Variants in CEP295 observed in about 807,000 individuals in gnomAD.
The protein encoded by CEP295 is centrosomal protein 295.
Under a neutral mutation model 291.6 loss-of-function variants are expected in CEP295, and 190 were observed. The observed-to-expected ratio is 0.65, with a 90% confidence interval of 0.58 to 0.73. CEP295 has a LOEUF of 0.73. Among genes scored for constraint, CEP295 ranks in the 30% least tolerant of loss-of-function variants. The pLI, the probability that CEP295 is intolerant of heterozygous loss-of-function variation, is 0.00. For missense variants in CEP295, 2,863 were observed against 2,949.4 expected (o/e 0.97, Z 0.68); for synonymous variants, 993 against 1,038.8 (o/e 0.96, Z 0.85).
At chr11:93,668,631 G>T (rs1205574904) in intron 3 of CEP295, among the ~76,000 whole-genome samples, 177 bp from the exon 4 acceptor site, 1 of 152,032 alleles carries the variant, frequency 6.6e-6, no homozygotes, top group Non-Finnish European at 1.5e-5. Context: ...TAAAATGTTT[G>T]TGTTTGTCCC....
chr11:93,696,455 G>A lies in CEP295; in HGVS notation c.1769+38G>A, dbSNP rs1323226259. ...GTATAATTTATATGTGATCGTATGT[G>A]GCTACATTTTTAGGATTTATTGTTT... On this transcript the variant is annotated intron_variant, in intron 14 of 29. Transcript: ENST00000325212. 2.3e-6 allele frequency: 3 copies of A among 1,289,602 alleles called. No individual in the cohort carries two copies. The African/African-American group carries it at 4.5e-5, about 19-fold the overall frequency. The allele number at this position is 1,289,602 out of a possible 1,614,324, so 79.9% of individuals were successfully genotyped here. A position where few individuals can be genotyped will look rare whatever the true frequency, so the allele number is the denominator to read the frequency against.
chr11:93,717,561 C>A (rs1442720850), intron 18 of CEP295, among the ~76,000 whole-genome samples: 2 of 152,080 alleles, frequency 1.3e-5, no homozygotes, highest in East Asian at 3.9e-4. Flanking sequence ...TGTTTCAGTA[C>A]CTGAAAAGTT....
intron 7 of CEP295, among the ~76,000 whole-genome samples, chr11:93,680,488 T>A (rs1950908731): frequency 6.6e-6 from 1 of 151,866 alleles, no homozygotes; most frequent in African/African-American, 2.4e-5. Context: ...GACTACAGAG[T>A]CAATACAGTC....
intron 10 of CEP295, among the ~76,000 whole-genome samples, chr11:93,691,250 G>T (rs1428476134): frequency 6.6e-6 from 1 of 152,140 alleles, no homozygotes; most frequent in East Asian, 1.9e-4. Context: ...AGACTATCTG[G>T]CTACCCAAAT....
chr11:93,722,326 G>A (rs1397004636), intron 20 of CEP295, among the ~76,000 whole-genome samples: 1 of 152,022 alleles, frequency 6.6e-6, no homozygotes, highest in Non-Finnish European at 1.5e-5. Context: ...GCCAGGTGTG[G>A]TGGTAAGTGC....
Position 93,692,972 on chromosome 11 carries a change from C to CAAA in CEP295, c.1533+958_1533+960dup, listed in dbSNP as rs780110779. ...TGGATGACAGAGTGAGACTCTATCT[C>CAAA]AAAAAAAAAAAAAAAAAACAAAAGG... On this transcript the variant is annotated intron_variant, in intron 12 of 29. Transcript: ENST00000325212. Among the ~76,000 whole-genome samples, 115 of 77,816 alleles carry CAAA rather than the reference C, an allele frequency of 1.5e-3. 1 individual carries two copies. The highest frequency in any genetic ancestry group is 5.1e-3 in the African/African-American group (110 of 21,376). The allele number at this position is 77,816 out of a possible 152,430, so 51.1% of individuals were successfully genotyped here. A position where few individuals can be genotyped will look rare whatever the true frequency, so the allele number is the denominator to read the frequency against.
Position 93,674,300 on chromosome 11 carries a change from C to T in CEP295, c.529-1271C>T, listed in dbSNP as rs1159062225. ...TTATATTGTTTCTGTTCACTTGAGT[C>T]CTCCTCATCATTCCACACTCATATA... On this transcript the variant is annotated intron_variant, in intron 5 of 29. Coordinates refer to ENST00000325212, the MANE Select transcript of CEP295 (RefSeq NM_033395.2). Among the ~76,000 whole-genome samples, 3 of 152,232 alleles carry T rather than the reference C, an allele frequency of 2.0e-5. No individual in the cohort carries two copies. In the South Asian group the frequency reaches 6.2e-4, roughly 32 times the overall value.
At position 93,695,631 on chromosome 11, in the gene CEP295, TG is replaced by T; in HGVS notation, c.1671+1del. ...AAAAAAGAAAAAAAACTCAACCGAC[TG>T]GGGTAGGATGCAGAAAATCTCATCA... Reference protein sequence around the residue: ...EEKRKKTQPTGVGIAPASCPV... With the variant: ...EEKRKKTQPTXVGIAPASCPV... On this transcript the variant is annotated frameshift_variant and splice_region_variant, in exon 13 of 30. Transcript: ENST00000325212. LOFTEE classifies it high-confidence loss of function. 1.3e-6 allele frequency: 2 copies of T among 1,486,804 alleles called. No individual in the cohort carries two copies. Among genetic ancestry groups the T allele is most frequent in the Admixed American group, 2.7e-5 (1 of 36,912 alleles). The allele number at this position is 1,486,804 out of a possible 1,614,324, so 92.1% of individuals were successfully genotyped here. A position where few individuals can be genotyped will look rare whatever the true frequency, so the allele number is the denominator to read the frequency against.
chr11:93,706,324 A>G (rs1952509120), intron 17 of CEP295, among the ~76,000 whole-genome samples: 1 of 152,228 alleles, frequency 6.6e-6, no homozygotes, highest in African/African-American at 2.4e-5. Context: ...AAACACCACC[A>G]GGTCAAGAAG....
rs2134969954 is a variant in CEP295, at chr11:93,684,091, A to G, written c.1077A>G (p.Pro359=). 6.4e-7 allele frequency: 1 copy of G among 1,551,622 alleles called. No individual in the cohort carries two copies. The highest frequency in any genetic ancestry group is 1.4e-5 in the African/African-American group (1 of 73,168). The change falls in exon 9 of 30, where the codon CCA becomes CCG. Residue 359 remains proline, a synonymous_variant. Transcript: ENST00000325212. ...QENLGAAEDL[P]VTEAEICSSE... ...ATTTGGGTGCAGCTGAAGACCTTCC[A>G]GTGACAGAAGCTGAAATATGTTCTA... is the stretch of plus-strand genomic sequence containing the variant.
intron 18 of CEP295, among the ~76,000 whole-genome samples, chr11:93,713,264 T>C (rs1953031936): frequency 6.6e-6 from 1 of 152,352 alleles, no homozygotes; most frequent in South Asian, 2.1e-4. Flanking sequence ...TAATATTCTG[T>C]GTATTTCTGT....
chr11:93,663,727 T>G lies in CEP295; in HGVS notation c.-27+1953T>G, dbSNP rs560323911. The stretch of plus-strand genomic sequence containing the variant: ...ATTATACACAAGAAGAAACAGTTAT[T>G]CTATCGCATTTTAGGAGCTTAAAAA... On this transcript the variant is annotated intron_variant, in intron 1 of 29. Transcript: ENST00000325212. 2.0e-5 allele frequency among the ~76,000 whole-genome samples: 3 copies of G among 152,314 alleles called. No individual in the cohort carries two copies. In the East Asian group the frequency reaches 5.8e-4, roughly 29 times the overall value.
chr11:93,729,277 A>G (rs1937970834), intron 25 of CEP295, 157 bp from the exon 26 acceptor site: 3 of 629,414 alleles, frequency 4.8e-6, no homozygotes, highest in Non-Finnish European at 8.4e-6. Context: ...CCTACAAAAA[A>G]TACAAAAATC....
chr11:93,698,339 C>T lies in CEP295; in HGVS notation c.3427C>T (p.Pro1143Ser). The T allele has an allele frequency of 1.3e-6, 2 of 1,552,016 alleles. No individual in the cohort carries two copies. The highest frequency in any genetic ancestry group is 2.4e-5 in the South Asian group (2 of 84,054). The part of the protein sequence containing the change: ...NVGPSCHLII[P>S]TFQDKSLSFP... ...AGGTCCCTCCTGTCATTTGATAATC[C>T]CAACATTTCAGGATAAGTCTCTTAG... Residue 1143 changes from proline (P) to serine (S), a missense_variant, in exon 15 of 30, where the codon CCA (proline) becomes TCA (serine). Transcript: ENST00000325212.
intron 17 of CEP295, 28 bp downstream of exon 17, chr11:93,702,947 T>G: frequency 6.6e-7 from 1 of 1,514,318 alleles, no homozygotes; most frequent in Non-Finnish European, 8.8e-7. Context: ...TAAAACAAGA[T>G]TTTTAAATAA....
At chr11:93,678,076 A>T (rs1407928019) in intron 6 of CEP295, among the ~76,000 whole-genome samples, 1 of 152,042 alleles carries the variant, frequency 6.6e-6, no homozygotes, top group Non-Finnish European at 1.5e-5. Flanking sequence ...ATCTGGACTG[A>T]TATTTATCAT....
chr11:93,663,513 T>G (rs990920206), intron 1 of CEP295, among the ~76,000 whole-genome samples: 1 of 152,194 alleles, frequency 6.6e-6, no homozygotes, highest in Admixed American at 6.5e-5. Context: ...TAGACATTAG[T>G]GTGATAATTG....
At position 93,697,683 on chromosome 11, in the gene CEP295, C is replaced by G; in HGVS notation, c.2771C>G (p.Ser924Ter). The G allele has an allele frequency of 6.4e-7, 1 of 1,551,768 alleles. No individual in the cohort carries two copies. Among genetic ancestry groups the G allele is most frequent in the East Asian group, 2.4e-5 (1 of 40,916 alleles). Reference sequence around the variant, plus strand: ...ACCAAGAATAATATTGCAGTTTCCTCAGACCATCATGTGATCTCACAACTT... The same window carrying G: ...ACCAAGAATAATATTGCAGTTTCCTGAGACCATCATGTGATCTCACAACTT... The part of the protein sequence containing the change: ...SPTKNNIAVS[S>*]DHHVISQLQD... Residue 924 changes from serine to a stop codon, truncating the protein, a stop_gained, in exon 15 of 30, where the codon TCA becomes TGA. Coordinates refer to ENST00000325212, the MANE Select transcript of CEP295 (RefSeq NM_033395.2). LOFTEE classifies it high-confidence loss of function.
rs895942891 is a variant in CEP295, at chr11:93,665,932, C to T, written c.-26-750C>T. Among the ~76,000 whole-genome samples the T allele has an allele frequency of 1.2e-3, 184 of 152,226 alleles. 1 individual carries two copies. Among genetic ancestry groups the T allele is most frequent in the African/African-American group, 4.2e-3 (173 of 41,540 alleles). On this transcript the variant is annotated intron_variant, in intron 1 of 29. Coordinates refer to ENST00000325212, the MANE Select transcript of CEP295 (RefSeq NM_033395.2). Reference sequence around the variant, plus strand: ...CAAAGAACCCTTGAAATTACAGCAACCTTGCTAGTTATGAACAAGTTATGA... The same window carrying T: ...CAAAGAACCCTTGAAATTACAGCAATCTTGCTAGTTATGAACAAGTTATGA...
Sources: allele counts gnomAD v4.1 joint callset (sites outside exome capture counted in the v4.1 genomes callset), GRCh38; gene constraint gnomAD v4.1.1; transcripts MANE v1.5; gene names NCBI Gene and HGNC (gene_info 2026-07-23, HGNC 2026-07-21).